Variants in IFT80 observed in about 807,000 individuals in gnomAD.
The protein encoded by IFT80 is intraflagellar transport 80.
In IFT80, 79 loss-of-function variants were observed where a neutral mutation model predicts 107.9. The ratio of observed to expected loss-of-function variants is 0.73; its 90% CI spans 0.61 to 0.88. The LOEUF (loss-of-function observed/expected upper bound fraction) is 0.88. IFT80 is among the 40% of genes least tolerant of loss of function. IFT80 has a pLI of 0.00. For synonymous variants in IFT80, 299 were observed against 300.9 expected (o/e 0.99, Z 0.07); for missense variants, 797 against 914.2 (o/e 0.87, Z 1.65).
chr3:160,287,734 T>G (rs1188566206), intron 12 of IFT80, among the ~76,000 whole-genome samples: 3 of 152,074 alleles, frequency 2.0e-5, no homozygotes, highest in Non-Finnish European at 4.4e-5. Context: ...ATATACAATC[T>G]CTTGGTAATT....
At chr3:160,320,249 G>T (rs1008237875) in intron 8 of IFT80, 1 of 218,690 alleles carries the variant, frequency 4.6e-6, no homozygotes, top group African/African-American at 2.3e-5. Context: ...AGATTCTGTA[G>T]AAAAAACAAA....
chr3:160,301,140 T>C, intron 11 of IFT80, 94 bp from the exon 12 acceptor site: 1 of 1,173,296 alleles, frequency 8.5e-7, no homozygotes. Context: ...GGAAAAAAAA[T>C]CTAAATCTTA....
In IFT80 at chr3:160,301,164, T is replaced by A. The variant is rs1716396484; in HGVS notation, c.1152-118A>T. 3.2e-5 allele frequency: 31 copies of A among 981,898 alleles called. 1 individual carries two copies. In the South Asian group the frequency reaches 5.4e-4, roughly 17 times the overall value. 60.8% of individuals were successfully genotyped at this position (981,898 alleles called of 1,614,324 possible). A position where few individuals can be genotyped will look rare whatever the true frequency, so the allele number is the denominator to read the frequency against. On this transcript the variant is annotated intron_variant, in intron 11 of 19. Transcript: ENST00000326448. The stretch of plus-strand genomic sequence containing the variant: ...ATCTAAATCTTACAATTAATGTAAA[T>A]GTGTAGATATATAAGGAACAAAACA...
Position 160,381,587 on chromosome 3 carries a change from G to A in IFT80, c.175C>T (p.Pro59Ser), listed in dbSNP as rs749599833. The A allele has an allele frequency of 6.2e-7, 1 of 1,613,456 alleles. No individual in the cohort carries two copies. The highest frequency in any genetic ancestry group is 1.7e-5 in the Admixed American group (1 of 59,978). ...QIVKLPDDIY[P>S]IDFHWFPKSL... ...TTTGGAAACCAGTGAAAATCAATAG[G>A]GTAAATATCATCAGGAAGCTTTACT... Residue 59 changes from proline (P) to serine (S), a missense_variant, in exon 3 of 20, where the codon CCT (proline) becomes TCT (serine). Transcript: ENST00000326448.
At chr3:160,368,866 T>C (rs1576881622) in intron 5 of IFT80, among the ~76,000 whole-genome samples, 1 of 152,108 alleles carries the variant, frequency 6.6e-6, no homozygotes, top group Admixed American at 6.6e-5. Context: ...CTGGCGTGTA[T>C]ACCAAACTGT....
At position 160,257,067 on chromosome 3, in the gene IFT80, T is replaced by G. The variant is rs1403284914; in HGVS notation, c.*1458A>C. 1 of 152,202 alleles carries G rather than the reference T, an allele frequency of 6.6e-6. No homozygotes were observed. The highest frequency in any genetic ancestry group is 6.5e-5 in the Admixed American group (1 of 15,280). The allele number at this position is 152,202 out of a possible 1,614,324, so 9.4% of individuals were successfully genotyped here. On this transcript the variant is annotated 3_prime_UTR_variant, in exon 20 of 20. Transcript: ENST00000326448. Reference sequence around the variant, plus strand: ...CATAAAACCTTTTAACCATTTATTTTTAAACATTTTAAGCTTCTTATTGAA... The same window carrying G: ...CATAAAACCTTTTAACCATTTATTTGTAAACATTTTAAGCTTCTTATTGAA...
rs775835775 is a variant in IFT80, at chr3:160,307,733, T to C, written c.1006A>G (p.Arg336Gly). ...TAGTTCAAAGATGCTTTAATGACTCTATCACGGAATTCCAGTAAATCCACT... is the reference window on the plus strand; with the variant it reads ...TAGTTCAAAGATGCTTTAATGACTCCATCACGGAATTCCAGTAAATCCACT... The part of the protein sequence containing the change: ...DAVDLLEFRD[R>G]VIKASLNYAH... Residue 336 changes from arginine to glycine, a missense_variant, in exon 10 of 20, where the codon AGA becomes GGA. Arg to Gly is a moderately radical substitution (Grantham distance 125). Transcript: ENST00000326448. 3 of 1,606,648 alleles carry C rather than the reference T, an allele frequency of 1.9e-6. No homozygotes were observed. The highest frequency in any genetic ancestry group is 1.7e-6 in the Non-Finnish European group (2 of 1,173,274).
intron 5 of IFT80, among the ~76,000 whole-genome samples, chr3:160,369,563 T>C (rs760964054): frequency 2.0e-5 from 3 of 151,912 alleles, no homozygotes; most frequent in Non-Finnish European, 4.4e-5. Context: ...ATCAGCTTCA[T>C]GAAATAATTT....
At chr3:160,317,230 G>A (rs988913426) in intron 9 of IFT80, among the ~76,000 whole-genome samples, 60 of 151,900 alleles carry the variant, frequency 3.9e-4, no homozygotes, top group African/African-American at 1.4e-3. Flanking sequence ...AACATGAATA[G>A]GCCTAACTTA....
intron 19 of IFT80, among the ~76,000 whole-genome samples, chr3:160,260,667 A>C (rs191655997): frequency 1.2e-4 from 19 of 152,354 alleles, no homozygotes; most frequent in Middle Eastern, 3.4e-3. Flanking sequence ...TTTTAATAGT[A>C]GGTTTTAGAT....
Position 160,258,573 on chromosome 3 carries a change from C to T in IFT80, c.2286G>A (p.Glu762=), listed in dbSNP as rs774118255. The T allele has an allele frequency of 7.3e-5, 118 of 1,613,428 alleles. No homozygotes were observed. Among genetic ancestry groups the T allele is most frequent in the Non-Finnish European group, 9.8e-5 (116 of 1,179,960 alleles). The change falls in exon 20 of 20, where the codon GAG becomes GAA. Residue 762 remains glutamate (E), a synonymous_variant. Transcript: ENST00000326448. ...KIEMEITKER[E]QSSSSQSSKS... ...TGCTGGATTGGCTGCTTGATGATTG[C>T]TCTCTTTCTTTTGTAATTTCCATCT...
At position 160,327,817 on chromosome 3, in the gene IFT80, C is replaced by CA. The variant is rs541361658; in HGVS notation, c.778-7879dup. Among the ~76,000 whole-genome samples the CA allele has an allele frequency of 2.9e-3, 441 of 152,072 alleles. 2 individuals carry two copies. The highest frequency in any genetic ancestry group is 0.01 in the African/African-American group (426 of 41,490). ...ATGAAGGTGCCAAAAGCAATTGCAACAAAAACAAAAATTGATAAATGGGAT... is the reference window on the plus strand; with the variant it reads ...ATGAAGGTGCCAAAAGCAATTGCAACAAAAAACAAAAATTGATAAATGGGAT... On this transcript the variant is annotated intron_variant, in intron 8 of 19. Transcript: ENST00000326448.
chr3:160,331,136 C>G (rs896216624), intron 8 of IFT80, among the ~76,000 whole-genome samples: 1 of 152,160 alleles, frequency 6.6e-6, no homozygotes, highest in African/African-American at 2.4e-5. Context: ...CACTGAATTG[C>G]TAGCATCCCT....
chr3:160,288,711 C>A (rs1379487051), intron 12 of IFT80, among the ~76,000 whole-genome samples: 1 of 152,012 alleles, frequency 6.6e-6, no homozygotes, highest in Non-Finnish European at 1.5e-5. Flanking sequence ...ATGTGGCCAA[C>A]AAACATATGA....
chr3:160,325,729 T>C (rs1327900719), intron 8 of IFT80, among the ~76,000 whole-genome samples: 2 of 152,132 alleles, frequency 1.3e-5, no homozygotes, highest in East Asian at 1.9e-4. Context: ...TTCATATATA[T>C]GTTATACACA....
chr3:160,369,972 A>G (rs1722121207), intron 5 of IFT80, among the ~76,000 whole-genome samples: 1 of 152,096 alleles, frequency 6.6e-6, no homozygotes, highest in Admixed American at 6.5e-5. Flanking sequence ...GTTGTGTTAA[A>G]TGTCAGACCC....
At chr3:160,353,127 T>C (rs1720833982) in intron 8 of IFT80, among the ~76,000 whole-genome samples, 1 of 152,234 alleles carries the variant, frequency 6.6e-6, no homozygotes, top group South Asian at 2.1e-4. Context: ...ATACCTCACC[T>C]TTGTTTATTC....
intron 7 of IFT80, among the ~76,000 whole-genome samples, chr3:160,356,457 C>T (rs1721098463): frequency 6.6e-6 from 1 of 152,118 alleles, no homozygotes; most frequent in African/African-American, 2.4e-5. Flanking sequence ...AACATAAAAT[C>T]TACCCATTTT....
Position 160,258,533 on chromosome 3 carries a change from T to C in IFT80, c.2326A>G (p.Lys776Glu). 1 of 1,613,830 alleles carries C rather than the reference T, an allele frequency of 6.2e-7. No homozygotes were observed. The highest frequency in any genetic ancestry group is 8.5e-7 in the Non-Finnish European group (1 of 1,179,954). ...AAAGATACGCATGGCATTTAGGGCT[T>C]TAAACCTATACTCTTGCTGGATTGG... Reference protein sequence around the residue: ...SSQSSKSIGLKP With the variant: ...SSQSSKSIGLEP Residue 776 changes from lysine (K) to glutamate (E), a missense_variant, in exon 20 of 20, where the codon AAG becomes GAG. Coordinates refer to ENST00000326448, the MANE Select transcript of IFT80 (RefSeq NM_020800.3).
Sources: gnomAD v4.1 joint callset for allele counts (sites outside exome capture counted in the v4.1 genomes callset) on GRCh38, gnomAD v4.1.1 for gene constraint, MANE v1.5 for transcripts, NCBI Gene and HGNC (gene_info 2026-07-23, HGNC 2026-07-21) for gene names.